The following SLC17A1 variants were observed in gnomAD, a reference collection of about 807,000 sequenced individuals.
SLC17A1 encodes the protein sodium-dependent phosphate transport protein 1.
Under a neutral mutation model 53.5 loss-of-function variants are expected in SLC17A1, and 51 were observed. That is an observed-to-expected ratio of 0.95 (90% CI 0.76 to 1.20). The LOEUF is 1.20. Ranked by LOEUF, SLC17A1 falls within the 50% of genes most tolerant of loss-of-function variation. The pLI, the probability that SLC17A1 is intolerant of heterozygous loss-of-function variation, is 0.00. For missense variants in SLC17A1, 538 were observed against 568.2 expected (o/e 0.95, Z 0.54); for synonymous variants, 179 against 198.8 (o/e 0.90, Z 0.84).
At position 25,819,245 on chromosome 6, in the gene SLC17A1, T is replaced by C. The variant is rs146818132; in HGVS notation, c.530-91A>G. On this transcript the variant is annotated intron_variant, in intron 5 of 12. Coordinates refer to ENST00000244527, the MANE Select transcript of SLC17A1 (RefSeq NM_005074.5). Reference sequence around the variant, plus strand: ...CTCACTGTAGCAATGAACAATTTCCTGTGAAACAAATTTGTGTATCATAAC... The same window carrying C: ...CTCACTGTAGCAATGAACAATTTCCCGTGAAACAAATTTGTGTATCATAAC... The C allele has an allele frequency of 5.2e-4, 447 of 867,680 alleles. 1 individual carries two copies. The highest frequency in any genetic ancestry group is 7.3e-4 in the Non-Finnish European group (413 of 563,208). 53.7% of individuals were successfully genotyped at this position (867,680 alleles called of 1,614,324 possible). A position where few individuals can be genotyped will look rare whatever the true frequency, so the allele number is the denominator to read the frequency against.
chr6:25,797,522 A>T (rs1763626941), intron 12 of SLC17A1, among the ~76,000 whole-genome samples: 1 of 151,894 alleles, frequency 6.6e-6, no homozygotes, highest in Non-Finnish European at 1.5e-5. Context: ...CCACATGTAT[A>T]CCTTTATAGT....
the SLC17A1 span, among the ~76,000 whole-genome samples, chr6:25,725,158 A>G: frequency 1.3e-5 from 2 of 152,176 alleles, no homozygotes; most frequent in Non-Finnish European, 1.5e-5. Flanking sequence ...ACACAGATCA[A>G]CAAACTATTT....
At chr6:25,761,495 C>T in the SLC17A1 span, among the ~76,000 whole-genome samples, 4 of 152,236 alleles carry the variant, frequency 2.6e-5, no homozygotes, top group African/African-American at 2.4e-5. Context: ...TTTGCAGCTA[C>T]GTAAAAGGGT....
chr6:25,723,749 G>A, the SLC17A1 span, among the ~76,000 whole-genome samples: 19 of 152,210 alleles, frequency 1.2e-4, no homozygotes, highest in Non-Finnish European at 5.9e-5. Flanking sequence ...AGGCTGCAGT[G>A]AGCTGAGATC....
intron 12 of SLC17A1, among the ~76,000 whole-genome samples, chr6:25,786,346 T>C (rs1192557037): frequency 2.0e-5 from 3 of 152,200 alleles, no homozygotes; most frequent in Non-Finnish European, 2.9e-5. Flanking sequence ...AGCTGTTGGC[T>C]TTCCTGAGGA....
the SLC17A1 span, chr6:25,732,675 G>C: frequency 7.4e-7 from 1 of 1,349,670 alleles, no homozygotes. Flanking sequence ...ATCATCCCGC[G>C]CCACCTGCAG....
At chr6:25,789,847 A>G (rs1763463644) in intron 12 of SLC17A1, among the ~76,000 whole-genome samples, 1 of 152,128 alleles carries the variant, frequency 6.6e-6, no homozygotes, top group African/African-American at 2.4e-5. Context: ...CACTGATACA[A>G]TTGATGAAAT....
chr6:25,804,400 T>C (rs114212342), intron 10 of SLC17A1, among the ~76,000 whole-genome samples: 2,840 of 152,176 alleles, frequency 0.019, 76 homozygotes, highest in African/African-American at 0.06. Context: ...GAGTTCTAAA[T>C]TCTGAAACAA....
At chr6:25,788,349 G>C (rs1763427965) in intron 12 of SLC17A1, among the ~76,000 whole-genome samples, 1 of 152,202 alleles carries the variant, frequency 6.6e-6, no homozygotes, top group Admixed American at 6.5e-5. Context: ...TTAAGGGCAT[G>C]ACAGCTGGGG....
At chr6:25,771,861 A>C in the SLC17A1 span, among the ~76,000 whole-genome samples, 17 of 152,192 alleles carry the variant, frequency 1.1e-4, no homozygotes, top group Non-Finnish European at 1.6e-4. Context: ...AAAGGTTCCA[A>C]AGACACTTGG....
chr6:25,742,171 A>T, the SLC17A1 span, among the ~76,000 whole-genome samples: 2 of 152,226 alleles, frequency 1.3e-5, no homozygotes, highest in South Asian at 2.1e-4. Flanking sequence ...CATCCGGCAC[A>T]GAGACTTCTG....
At chr6:25,751,609 A>AAAACATGGTGAG in the SLC17A1 span, among the ~76,000 whole-genome samples, 1 of 152,228 alleles carries the variant, frequency 6.6e-6, no homozygotes, top group Non-Finnish European at 1.5e-5. Flanking sequence ...CTAAGTGAGG[A>AAAACATGGTGAG]AAACATGGTG....
intron 11 of SLC17A1, among the ~76,000 whole-genome samples, chr6:25,799,811 G>T (rs1763701090): frequency 6.6e-6 from 1 of 152,192 alleles, no homozygotes; most frequent in Admixed American, 6.5e-5. Flanking sequence ...CTCAATGGAA[G>T]AATAAAGGCA....
chr6:25,743,872 A>G, the SLC17A1 span, among the ~76,000 whole-genome samples: 1 of 152,238 alleles, frequency 6.6e-6, no homozygotes, highest in Non-Finnish European at 1.5e-5. Context: ...AGATATATGT[A>G]CAAAAGTTCA....
the SLC17A1 span, among the ~76,000 whole-genome samples, chr6:25,737,582 G>C: frequency 6.6e-6 from 1 of 151,970 alleles, no homozygotes; most frequent in African/African-American, 2.4e-5. Flanking sequence ...GGCTTTATCT[G>C]GGCAGCAGGC....
chr6:25,807,424 G>A (rs576499334), intron 10 of SLC17A1, among the ~76,000 whole-genome samples: 10 of 152,136 alleles, frequency 6.6e-5, no homozygotes, highest in Non-Finnish European at 4.4e-5. Context: ...TCTAAGTGAA[G>A]TAACTCAGGA....
At chr6:25,726,580 T>A in the SLC17A1 span, 1 of 1,557,382 alleles carries the variant, frequency 6.4e-7, no homozygotes, top group African/African-American at 1.4e-5. Flanking sequence ...GGGCTGCTAC[T>A]GGGCCTATTT....
At chr6:25,737,326 G>A in the SLC17A1 span, among the ~76,000 whole-genome samples, 1 of 151,950 alleles carries the variant, frequency 6.6e-6, no homozygotes, top group Non-Finnish European at 1.5e-5. Context: ...CTGGTCCTAT[G>A]GCCACTACTC....
the SLC17A1 span, chr6:25,776,598 G>A: frequency 1.2e-6 from 2 of 1,602,388 alleles, no homozygotes; most frequent in East Asian, 2.2e-5. Flanking sequence ...TCCTCAGAGT[G>A]GGATCCTGTC....
Sources: allele counts gnomAD v4.1 joint callset (sites outside exome capture counted in the v4.1 genomes callset), GRCh38; gene constraint gnomAD v4.1.1; transcripts MANE v1.5; gene names NCBI Gene and HGNC (gene_info 2026-07-23, HGNC 2026-07-21).